The following CLIC5 variants were observed in gnomAD, a reference collection of about 807,000 sequenced individuals.
The protein encoded by CLIC5 is chloride intracellular channel protein 5.
Under a neutral mutation model 24.7 loss-of-function variants are expected in CLIC5, and 20 were observed. That is an observed-to-expected ratio of 0.81 (90% CI 0.57 to 1.18). The LOEUF (loss-of-function observed/expected upper bound fraction) is 1.18, where lower values mean the gene tolerates loss of function less well. Ranked by LOEUF, CLIC5 falls within the 50% of genes most tolerant of loss-of-function variation. CLIC5 has a pLI of 0.00. For synonymous variants in CLIC5, 159 were observed against 135.6 expected (o/e 1.17, Z -1.20); for missense variants, 341 against 326.1 (o/e 1.05, Z -0.35).
At chr6:45,882,000 T>A (rs1475262654) in intron 6 of CLIC5, among the ~76,000 whole-genome samples, 1 of 149,252 alleles carries the variant, frequency 6.7e-6, no homozygotes, top group South Asian at 2.1e-4. Context: ...AAAAGTGATG[T>A]GAATCAACTC....
At chr6:46,080,520 C>T (rs549786870), upstream of CLIC5, among the ~76,000 whole-genome samples, 200 of 152,302 alleles carry the variant, frequency 1.3e-3, no homozygotes, top group Non-Finnish European at 1.6e-3. Flanking sequence ...TCCTCATTGG[C>T]AGTAACTCCA....
At chr6:46,072,462 GA>G (rs1762635549) in intron 1 of CLIC5, among the ~76,000 whole-genome samples, 2 of 152,148 alleles carry the variant, frequency 1.3e-5, no homozygotes, top group African/African-American at 4.8e-5. Flanking sequence ...AAGTTATTCA[GA>G]AGTTTTAGTT....
intron 1 of CLIC5, among the ~76,000 whole-genome samples, chr6:46,045,919 A>AT (rs1767940283): frequency 1.3e-5 from 1 of 77,622 alleles, no homozygotes; most frequent in African/African-American, 5.4e-5. Flanking sequence ...TAAGGAACGC[A>AT]CATGAACATA....
At chr6:45,904,826 A>T (rs114686289) in intron 5 of CLIC5, among the ~76,000 whole-genome samples, 402 of 150,020 alleles carry the variant, frequency 2.7e-3, no homozygotes, top group African/African-American at 9.1e-3. Context: ...TTGGGGTATG[A>T]TTGGTCCTGT....
intron 4 of CLIC5, among the ~76,000 whole-genome samples, chr6:45,919,447 C>A (rs550964569): frequency 6.6e-6 from 1 of 152,286 alleles, no homozygotes; most frequent in East Asian, 1.9e-4. Flanking sequence ...CCAAGCAAAG[C>A]ACCACACGGA....
chr6:46,114,970 G>A, the CLIC5 span, among the ~76,000 whole-genome samples: 2 of 152,196 alleles, frequency 1.3e-5, no homozygotes, highest in African/African-American at 4.8e-5. Flanking sequence ...ACAGCTCATT[G>A]ACACAAGGAT....
At chr6:46,005,181 A>T (rs9463166) in intron 1 of CLIC5, among the ~76,000 whole-genome samples, 1 of 152,206 alleles carries the variant, frequency 6.6e-6, no homozygotes, top group African/African-American at 2.4e-5. Flanking sequence ...CTTCGTCTCT[A>T]TTCTAGGTAA....
At chr6:46,117,808 T>C in the CLIC5 span, among the ~76,000 whole-genome samples, 1 of 116,796 alleles carries the variant, frequency 8.6e-6, no homozygotes, top group African/African-American at 2.6e-5. Context: ...GATTCTAAAA[T>C]AGATTTTTTT....
intron 4 of CLIC5, among the ~76,000 whole-genome samples, chr6:45,914,991 G>A (rs1300068988): frequency 2.6e-5 from 4 of 151,826 alleles, no homozygotes; most frequent in African/African-American, 7.3e-5. Flanking sequence ...GTGCAGTGGC[G>A]TGATCTGGGC....
upstream of CLIC5, among the ~76,000 whole-genome samples, chr6:46,083,792 T>A (rs952353827): frequency 1.3e-5 from 2 of 151,850 alleles, no homozygotes; most frequent in African/African-American, 2.4e-5. Context: ...CTATTAGGTC[T>A]GCTTGGTGCA....
At chr6:46,097,613 G>T in the CLIC5 span, among the ~76,000 whole-genome samples, 1 of 152,194 alleles carries the variant, frequency 6.6e-6, no homozygotes, top group Non-Finnish European at 1.5e-5. Flanking sequence ...GTCTAAGGTT[G>T]CCAGTGGCAA....
In CLIC5 at chr6:45,905,556, C is replaced by T. The variant is rs527466807; in HGVS notation, c.589-2301G>A. Among the ~76,000 whole-genome samples, 9 of 150,704 alleles carry T rather than the reference C, an allele frequency of 6.0e-5. No homozygotes were observed. The South Asian group carries it at 1.7e-3, about 28-fold the overall frequency. ...GAGAAGTGTCTGTTCATGTCTTTTG[C>T]CCACTTTTTAATGGTATTATTTGTT... On this transcript the variant is annotated intron_variant, in intron 5 of 5. Transcript: ENST00000339561.
intron 6 of CLIC5, among the ~76,000 whole-genome samples, chr6:45,890,702 T>C (rs981049907): frequency 2.6e-5 from 4 of 152,122 alleles, no homozygotes; most frequent in Non-Finnish European, 4.4e-5. Context: ...AAAGATGTAG[T>C]ATATAATCAC....
At chr6:46,073,388 C>T (rs1762673347) in intron 1 of CLIC5, among the ~76,000 whole-genome samples, 1 of 152,158 alleles carries the variant, frequency 6.6e-6, no homozygotes, top group Non-Finnish European at 1.5e-5. Context: ...CACCAGCTAG[C>T]TTTTTCCACG....
chr6:46,061,901 G>A (rs1446596588), intron 1 of CLIC5, among the ~76,000 whole-genome samples: 1 of 152,158 alleles, frequency 6.6e-6, no homozygotes, highest in Non-Finnish European at 1.5e-5. Flanking sequence ...AAGACCCAGG[G>A]AAGAGCCTGT....
intron 2 of CLIC5, 30 bp downstream of exon 2, chr6:45,955,105 C>T (rs775143388): frequency 6.5e-7 from 1 of 1,532,754 alleles, no homozygotes; most frequent in South Asian, 1.1e-5. Context: ...TGCAGCTAAA[C>T]ATACTCCTCA....
chr6:46,009,806 G>A (rs1766737811), intron 1 of CLIC5, among the ~76,000 whole-genome samples: 1 of 152,136 alleles, frequency 6.6e-6, no homozygotes, highest in South Asian at 2.1e-4. Flanking sequence ...GGAGCCTTGG[G>A]GAAGCAGTTA....
chr6:45,925,730 T>C (rs1763458232), intron 4 of CLIC5, among the ~76,000 whole-genome samples: 2 of 152,338 alleles, frequency 1.3e-5, no homozygotes, highest in South Asian at 4.1e-4. Context: ...CCTAAAATCA[T>C]GTGACTCTAT....
At chr6:46,125,744 C>T in the CLIC5 span, among the ~76,000 whole-genome samples, 41,863 of 151,992 alleles carry the variant, frequency 0.28, 7,017 homozygotes, top group Middle Eastern at 0.41. Context: ...TTGCTTTCTT[C>T]TCAGGTAGAC....
Sources: gnomAD v4.1 joint callset for allele counts (sites outside exome capture counted in the v4.1 genomes callset) on GRCh38, gnomAD v4.1.1 for gene constraint, MANE v1.5 for transcripts, NCBI Gene and HGNC (gene_info 2026-07-23, HGNC 2026-07-21) for gene names.